CORO2B: variants seen among roughly 807,000 people sequenced by gnomAD.
The protein encoded by CORO2B is coronin-2B.
A neutral mutation model predicts 58.8 loss-of-function variants in CORO2B; 26 were observed. The ratio of observed to expected loss-of-function variants is 0.44; its 90% confidence interval spans 0.32 to 0.61. The LOEUF (loss-of-function observed/expected upper bound fraction) is 0.61. Ranked by LOEUF, CORO2B falls within the 20% of genes least tolerant of loss-of-function variation. The pLI, the probability that CORO2B is intolerant of heterozygous loss-of-function variation, is 0.04. For missense variants in CORO2B, 460 were observed against 645.1 expected, an observed-to-expected ratio of 0.71 and a Z score of 3.11; for synonymous variants, 242 against 253.8, an observed-to-expected ratio of 0.95 and a Z score of 0.44.
intron 2 of CORO2B, among the ~76,000 whole-genome samples, chr15:68,675,842 C>A (rs1016058761): frequency 6.6e-6 from 1 of 152,178 alleles, no homozygotes; most frequent in African/African-American, 2.4e-5. Flanking sequence ...CTGTGGGAAG[C>A]ACTGGGGACC....
chr15:68,575,061 G>C (rs74020237), upstream of CORO2B, among the ~76,000 whole-genome samples: 629 of 152,314 alleles, frequency 4.1e-3, 2 homozygotes, highest in African/African-American at 0.014. Context: ...GCCCAGACTT[G>C]AGCTGACAGC....
At chr15:68,632,450 G>A (rs1359846269) in intron 1 of CORO2B, 23 of 983,504 alleles carry the variant, frequency 2.3e-5, no homozygotes, top group Middle Eastern at 5.2e-4. Context: ...GTTGAGAAAC[G>A]TCCTCTCTCA....
At chr15:68,591,520 A>G (rs923708788) in intron 1 of CORO2B, among the ~76,000 whole-genome samples, 1 of 152,188 alleles carries the variant, frequency 6.6e-6, no homozygotes, top group African/African-American at 2.4e-5. Flanking sequence ...CTTTAAGCAA[A>G]GGAGTGATGT....
rs368301131 is a variant in CORO2B, at chr15:68,726,186, G to A, written c.*212G>A. ...CCCCAGCTTCTGGAGACCCCCTGCC[G>A]GCAGCCCCTTTCCCTGCCACCCCAG... On this transcript the variant is annotated 3_prime_UTR_variant, in exon 12 of 12. Transcript: ENST00000261861. 170 of 575,334 alleles carry A rather than the reference G, an allele frequency of 3.0e-4. 4 individuals carry two copies. Among genetic ancestry groups the A allele is most frequent in the East Asian group, 2.0e-3 (55 of 27,574 alleles). 35.6% of individuals were successfully genotyped at this position (575,334 alleles called of 1,614,324 possible). A position where few individuals can be genotyped will look rare whatever the true frequency, so the allele number is the denominator to read the frequency against.
At chr15:68,669,090 AGAAGGAAG>A (rs1007335679) in intron 2 of CORO2B, among the ~76,000 whole-genome samples, 59 of 151,126 alleles carry the variant, frequency 3.9e-4, no homozygotes, top group Admixed American at 3.3e-4. Flanking sequence ...AGAGAGAGAA[AGAAGGAAG>A]GAAGGAAGGA....
At chr15:68,712,343 T>C (rs1351960248) in intron 5 of CORO2B, among the ~76,000 whole-genome samples, 1 of 152,146 alleles carries the variant, frequency 6.6e-6, no homozygotes, top group Non-Finnish European at 1.5e-5. Context: ...TAGTCCAATA[T>C]TACAAGACCA....
intron 1 of CORO2B, among the ~76,000 whole-genome samples, chr15:68,588,858 A>G (rs1899633365): frequency 6.6e-6 from 1 of 152,186 alleles, no homozygotes; most frequent in Non-Finnish European, 1.5e-5. Flanking sequence ...ACTCCTGAAA[A>G]ATTGCTGGTT....
chr15:68,617,398 C>A (rs551495873), intron 1 of CORO2B, among the ~76,000 whole-genome samples: 1 of 152,348 alleles, frequency 6.6e-6, no homozygotes, highest in East Asian at 1.9e-4. Context: ...CACTGGTAGT[C>A]TGGGAACCAA....
the CORO2B span, among the ~76,000 whole-genome samples, chr15:68,563,183 T>G: frequency 9.3e-5 from 14 of 149,962 alleles, no homozygotes; most frequent in Non-Finnish European, 1.9e-4. Flanking sequence ...AGGAAAGAAA[T>G]AATAAAGATT....
chr15:68,655,333 C>T (rs1042979513), intron 2 of CORO2B, among the ~76,000 whole-genome samples: 3 of 152,180 alleles, frequency 2.0e-5, no homozygotes, highest in Admixed American at 6.5e-5. Flanking sequence ...TGAGCATGAG[C>T]TCTGTGCTCT....
intron 3 of CORO2B, among the ~76,000 whole-genome samples, chr15:68,701,326 T>A (rs924373967): frequency 2.6e-5 from 4 of 151,484 alleles, no homozygotes; most frequent in African/African-American, 9.8e-5. Flanking sequence ...TTTCTTTTTT[T>A]TGAGAGACGG....
rs368558576 is a variant in CORO2B at position 68,675,613 on chromosome 15, C to T, written c.217-19527C>T. ...CTCTGAAGTTAGGGAAATGATAACT[C>T]CTCCACAGAGGTAGTGAGACTCAAA... On this transcript the variant is annotated intron_variant, in intron 2 of 11. Transcript: ENST00000261861. 3.4e-3 allele frequency among the ~76,000 whole-genome samples: 522 copies of T among 152,264 alleles called. 2 individuals carry two copies. Among genetic ancestry groups the T allele is most frequent in the African/African-American group, 0.011 (440 of 41,554 alleles).
intron 2 of CORO2B, among the ~76,000 whole-genome samples, chr15:68,660,698 C>A (rs1901986379): frequency 1.3e-5 from 2 of 152,192 alleles, no homozygotes; most frequent in Non-Finnish European, 2.9e-5. Flanking sequence ...CCCTTCACTC[C>A]TACACACCTT....
At chr15:68,552,876 T>C in the CORO2B span, among the ~76,000 whole-genome samples, 1 of 152,238 alleles carries the variant, frequency 6.6e-6, no homozygotes. Flanking sequence ...GCAGGGAGCC[T>C]GACCAGGACA....
At chr15:68,682,633 A>C (rs1381687946) in intron 2 of CORO2B, among the ~76,000 whole-genome samples, 1 of 152,124 alleles carries the variant, frequency 6.6e-6, no homozygotes. Flanking sequence ...ATAGATAGAG[A>C]AACCCCAGGA....
chr15:68,625,341 A>G (rs1314410237), intron 1 of CORO2B, among the ~76,000 whole-genome samples: 1 of 151,664 alleles, frequency 6.6e-6, no homozygotes, highest in Non-Finnish European at 1.5e-5. Flanking sequence ...TTTAGTGTCC[A>G]CTTCTATGCA....
rs577805684 is a variant in CORO2B at position 68,710,847 on chromosome 15, A to G, written c.449A>G (p.Asn150Ser). 15 of 1,611,038 alleles carry G rather than the reference A, an allele frequency of 9.3e-6. No homozygotes were observed. The highest frequency in any genetic ancestry group is 6.7e-5 in the Admixed American group (4 of 59,582). The change falls in exon 4 of 12, where the codon AAC (asparagine) becomes AGC (serine). Residue 150 changes from asparagine (N) to serine (S), a missense_variant. Physicochemically the swap from Asn to Ser is conservative, Grantham distance 46 (BLOSUM62 1). Transcript: ENST00000261861. The surrounding 1 kb of genome is among the most constrained non-coding windows in gnomAD (Gnocchi z 4.1). ...CTGGTCGAGTGGCACCCCACCACCAACAACATCCTGTTCAGCGCTGGCTAC... is the reference window on the plus strand; with the variant it reads ...CTGGTCGAGTGGCACCCCACCACCAGCAACATCCTGTTCAGCGCTGGCTAC... ...VGLVEWHPTT[N>S]NILFSAGYDY...
At chr15:68,546,300 T>A in the CORO2B span, among the ~76,000 whole-genome samples, 4 of 152,304 alleles carry the variant, frequency 2.6e-5, no homozygotes, top group South Asian at 4.1e-4. Context: ...GATTCCACCA[T>A]CCAGTTGCAA....
chr15:68,621,348 T>C (rs1400523998), intron 1 of CORO2B, among the ~76,000 whole-genome samples: 3 of 152,214 alleles, frequency 2.0e-5, no homozygotes, highest in Admixed American at 6.5e-5. Flanking sequence ...CATGGAGACC[T>C]GGAGCAAGCA....
Sources: gnomAD v4.1 joint callset for allele counts (sites outside exome capture counted in the v4.1 genomes callset) on GRCh38, gnomAD v4.1.1 for gene constraint, Gnocchi (gnomAD v3.1) non-coding constraint, MANE v1.5 for transcripts, NCBI Gene and HGNC (gene_info 2026-07-23, HGNC 2026-07-21) for gene names.